Variants in FGF10 observed in about 807,000 individuals in gnomAD.
FGF10 encodes FGF-10.
Under a neutral mutation model 19.8 loss-of-function variants are expected in FGF10, and 2 were observed. The ratio of observed to expected loss-of-function variants is 0.10; its 90% CI spans 0.04 to 0.32. FGF10 has a LOEUF of 0.32. FGF10 is among the 10% of genes least tolerant of loss of function. FGF10 has a pLI of 1.00. For missense variants in FGF10, 191 were observed against 246.3 expected (o/e 0.78, Z 1.50); for synonymous variants, 112 against 94.0 (o/e 1.19, Z -1.10).
Position 44,304,869 on chromosome 5 carries a change from TTC to T in FGF10, c.*124_*125del, listed in dbSNP as rs1338784792. 9 of 939,226 alleles carry T rather than the reference TTC, an allele frequency of 9.6e-6. No individual in the cohort carries two copies. In the Admixed American group the frequency reaches 1.3e-4, roughly 14 times the overall value. 58.2% of individuals were successfully genotyped at this position (939,226 alleles called of 1,614,324 possible). On this transcript the variant is annotated 3_prime_UTR_variant, in exon 3 of 3. Transcript: ENST00000264664. Reference sequence around the variant, plus strand: ...ATACAAAAACCTTCAAAGGCTGGCTTTCTTTTAAGCAAGCAGACATCTGCAAC... The same window carrying T: ...ATACAAAAACCTTCAAAGGCTGGCTTTTTTAAGCAAGCAGACATCTGCAAC...
At chr5:44,305,695 C>A (rs1179101829) in intron 2 of FGF10, among the ~76,000 whole-genome samples, 1 of 152,098 alleles carries the variant, frequency 6.6e-6, no homozygotes, top group Non-Finnish European at 1.5e-5. Flanking sequence ...GAGCTTATAG[C>A]AAAACCACAA....
Position 44,301,754 on chromosome 5 carries a change from G to T in FGF10, c.*3241C>A, listed in dbSNP as rs1242972989. Among the ~76,000 whole-genome samples, 4 of 152,120 alleles carry T rather than the reference G, an allele frequency of 2.6e-5. No homozygotes were observed. The highest frequency in any genetic ancestry group is 4.4e-5 in the Non-Finnish European group (3 of 68,016). On this transcript the variant is annotated 3_prime_UTR_variant, in exon 3 of 3. Transcript: ENST00000264664. ...TTTTTTTCTGTTGTTGTTGTTTGGG[G>T]CTGTGGGGCATTTAACCACATCCTG...
At chr5:44,344,515 T>A (rs1237145912) in intron 1 of FGF10, among the ~76,000 whole-genome samples, 2 of 145,038 alleles carry the variant, frequency 1.4e-5, no homozygotes, top group South Asian at 2.1e-4. Flanking sequence ...GGGGCAAAAG[T>A]TAACCTTTTT....
intron 1 of FGF10, among the ~76,000 whole-genome samples, chr5:44,312,568 T>C (rs1740238142): frequency 6.6e-6 from 1 of 152,078 alleles, no homozygotes. Context: ...CCAAGGATGA[T>C]GGCATGCCAT....
intron 1 of FGF10, among the ~76,000 whole-genome samples, chr5:44,360,107 C>T (rs1741445754): frequency 6.6e-6 from 1 of 151,490 alleles, no homozygotes; most frequent in Non-Finnish European, 1.5e-5. Flanking sequence ...TGCTTTGGTT[C>T]TTGACGACAG....
chr5:44,329,298 T>C (rs1385099139), intron 1 of FGF10, among the ~76,000 whole-genome samples: 1 of 152,142 alleles, frequency 6.6e-6, no homozygotes, highest in Non-Finnish European at 1.5e-5. Flanking sequence ...TGCCTCAGCC[T>C]CCTGAGTAGC....
At chr5:44,341,946 A>G (rs1031211254) in intron 1 of FGF10, among the ~76,000 whole-genome samples, 1 of 152,024 alleles carries the variant, frequency 6.6e-6, no homozygotes, top group South Asian at 2.1e-4. Flanking sequence ...CTAATCTTGT[A>G]TGCTTTGCAG....
Position 44,304,486 on chromosome 5 carries a change from T to C in FGF10, c.*509A>G, listed in dbSNP as rs558792024. 2 of 160,812 alleles carry C rather than the reference T, an allele frequency of 1.2e-5. No individual in the cohort carries two copies. The highest frequency in any genetic ancestry group is 1.2e-4 in the Admixed American group (2 of 17,022). The allele number at this position is 160,812 out of a possible 1,614,324, so 10.0% of individuals were successfully genotyped here. On this transcript the variant is annotated 3_prime_UTR_variant, in exon 3 of 3. Coordinates refer to ENST00000264664, the MANE Select transcript of FGF10 (RefSeq NM_004465.2). ...TTTTAAATTCTATTCAATTATTCCATGAGACCACATCCAGAACTCCTTTGG... is the reference window on the plus strand; with the variant it reads ...TTTTAAATTCTATTCAATTATTCCACGAGACCACATCCAGAACTCCTTTGG...
At chr5:44,341,276 G>A (rs796545414) in intron 1 of FGF10, among the ~76,000 whole-genome samples, 14 of 151,998 alleles carry the variant, frequency 9.2e-5, no homozygotes, top group African/African-American at 3.4e-4. Context: ...GTATACATAA[G>A]GAATGCTGCA....
At chr5:44,336,115 A>T (rs1740843472) in intron 1 of FGF10, among the ~76,000 whole-genome samples, 1 of 151,880 alleles carries the variant, frequency 6.6e-6, no homozygotes, top group South Asian at 2.1e-4. Context: ...TTAAAACCAA[A>T]TTTTCATCAG....
intron 1 of FGF10, among the ~76,000 whole-genome samples, chr5:44,318,399 TAACTC>T (rs964277335): frequency 1.3e-5 from 2 of 152,152 alleles, no homozygotes; most frequent in East Asian, 1.9e-4. Context: ...CTTTAGTAGA[TAACTC>T]AACCCTTCAA....
rs185175767 is a variant in FGF10 at position 44,375,026 on chromosome 5, C to T, written c.325+13332G>A. On this transcript the variant is annotated intron_variant, in intron 1 of 2. Transcript: ENST00000264664. ...AATTTTAAGAGCTAATTTACTTCAA[C>T]CATCATTTTAGGTAGGTAGCATATT... is the stretch of plus-strand genomic sequence containing the variant. 2.4e-3 allele frequency among the ~76,000 whole-genome samples: 367 copies of T among 152,226 alleles called. 4 individuals are homozygous for T. Among genetic ancestry groups the T allele is most frequent in the Non-Finnish European group, 3.4e-3 (234 of 68,010 alleles).
At chr5:44,379,331 A>C (rs1259948344) in intron 1 of FGF10, among the ~76,000 whole-genome samples, 4 of 152,222 alleles carry the variant, frequency 2.6e-5, no homozygotes, top group African/African-American at 9.6e-5. Context: ...GACACAAAGC[A>C]AGCACTCAAA....
chr5:44,362,052 T>C (rs779755175), intron 1 of FGF10, among the ~76,000 whole-genome samples: 4 of 151,662 alleles, frequency 2.6e-5, no homozygotes, highest in Non-Finnish European at 5.9e-5. Context: ...TAAAAAGCCA[T>C]GCCAAACCAG....
chr5:44,329,941 G>C (rs991044138), intron 1 of FGF10, among the ~76,000 whole-genome samples: 2 of 151,986 alleles, frequency 1.3e-5, no homozygotes, highest in Non-Finnish European at 2.9e-5. Flanking sequence ...GTGTCCTCAG[G>C]GTATCTGCCA....
rs1392358600 is a variant in FGF10, at chr5:44,302,519, TG to T, written c.*2475del. 6.6e-6 allele frequency among the ~76,000 whole-genome samples: 1 copy of T among 151,968 alleles called. No homozygotes were observed. Among genetic ancestry groups the T allele is most frequent in the African/African-American group, 2.4e-5 (1 of 41,374 alleles). On this transcript the variant is annotated 3_prime_UTR_variant, in exon 3 of 3. Coordinates refer to ENST00000264664, the MANE Select transcript of FGF10 (RefSeq NM_004465.2). ...GACCACAGGTATATGCCACCACGCA[TG>T]GCTACATTTGTTTTGTTTTGTTTTG...
chr5:44,379,816 A>C (rs1741946708), intron 1 of FGF10, among the ~76,000 whole-genome samples: 1 of 152,178 alleles, frequency 6.6e-6, no homozygotes, highest in Non-Finnish European at 1.5e-5. Flanking sequence ...TCATCACTCC[A>C]GCAAAGCATC....
chr5:44,380,178 T>A (rs1421371016), intron 1 of FGF10, among the ~76,000 whole-genome samples: 1 of 152,188 alleles, frequency 6.6e-6, no homozygotes, highest in Non-Finnish European at 1.5e-5. Flanking sequence ...TATGTTACCA[T>A]TTACCCCATG....
intron 1 of FGF10, among the ~76,000 whole-genome samples, chr5:44,381,172 G>A (rs1741974714): frequency 6.6e-6 from 1 of 152,188 alleles, no homozygotes; most frequent in Non-Finnish European, 1.5e-5. Flanking sequence ...GGGCTTATCA[G>A]TGGTTTGTCC....
Sources: allele counts gnomAD v4.1 joint callset (sites outside exome capture counted in the v4.1 genomes callset), GRCh38; gene constraint gnomAD v4.1.1; transcripts MANE v1.5; gene names NCBI Gene and HGNC (gene_info 2026-07-23, HGNC 2026-07-21).